OXCT1: variants seen among roughly 807,000 people sequenced by gnomAD.
OXCT1 encodes the protein 3-oxoacid CoA-transferase 1.
A neutral mutation model predicts 69.6 loss-of-function variants in OXCT1; 27 were observed. That is an observed-to-expected ratio of 0.39 (90% CI 0.29 to 0.54). OXCT1 has a LOEUF of 0.54. Ranked by LOEUF, OXCT1 falls within the 20% of genes least tolerant of loss-of-function variation. The probability of loss-of-function intolerance (pLI) is 0.72; values close to 1 mark genes in which losing one functional copy is unlikely to be tolerated. For synonymous variants in OXCT1, 202 were observed against 217.8 expected (o/e 0.93, Z 0.64); for missense variants, 437 against 650.2 (o/e 0.67, Z 3.57).
Position 41,767,272 on chromosome 5 carries a change from A to G in OXCT1, c.1249-5072T>C, listed in dbSNP as rs768603023. Among the ~76,000 whole-genome samples the G allele has an allele frequency of 1.4e-4, 22 of 152,184 alleles. 1 individual carries two copies. Among genetic ancestry groups the G allele is most frequent in the Admixed American group, 3.9e-4 (6 of 15,278 alleles). On this transcript the variant is annotated intron_variant, in intron 13 of 16. Transcript: ENST00000196371. ...AAAAAACCAAAAAAAGTTATTTTCAAAGATTAATGGCATTTTCTAGGACAG... is the reference window on the plus strand; with the variant it reads ...AAAAAACCAAAAAAAGTTATTTTCAGAGATTAATGGCATTTTCTAGGACAG...
At chr5:41,832,839 T>G (rs1748163949) in intron 7 of OXCT1, among the ~76,000 whole-genome samples, 1 of 152,106 alleles carries the variant, frequency 6.6e-6, no homozygotes, top group Non-Finnish European at 1.5e-5. Flanking sequence ...CAAGCAGAAA[T>G]TCTACATTTG....
At chr5:41,828,850 T>C (rs895138256) in intron 7 of OXCT1, among the ~76,000 whole-genome samples, 1 of 152,212 alleles carries the variant, frequency 6.6e-6, no homozygotes. Context: ...CTGTGAAGGA[T>C]TAAATAATAT....
chr5:41,745,109 A>G (rs559174278), intron 15 of OXCT1, among the ~76,000 whole-genome samples: 325 of 152,236 alleles, frequency 2.1e-3, no homozygotes, highest in African/African-American at 7.5e-3. Flanking sequence ...TATTTTCAGC[A>G]CCACACCACA....
intron 15 of OXCT1, among the ~76,000 whole-genome samples, chr5:41,742,313 G>A (rs373003600): frequency 2.0e-5 from 3 of 152,208 alleles, no homozygotes; most frequent in African/African-American, 7.2e-5. Context: ...CAAAAATGGA[G>A]ACTAAAACCT....
intron 9 of OXCT1, among the ~76,000 whole-genome samples, chr5:41,804,614 A>G (rs951087103): frequency 1.3e-5 from 2 of 152,138 alleles, no homozygotes; most frequent in African/African-American, 4.8e-5. Context: ...TTGCTGATAC[A>G]AGAACTGGAA....
In OXCT1 at chr5:41,835,013, A is replaced by C. The variant is rs543829768; in HGVS notation, c.732+5438T>G. ...AATAAATTTGAAATGAAGAAAATAC[A>C]AAAGAACAATGAAACAAAAAGTTGG... On this transcript the variant is annotated intron_variant, in intron 7 of 16. Transcript: ENST00000196371. 2.0e-5 allele frequency among the ~76,000 whole-genome samples: 3 copies of C among 152,294 alleles called. No homozygotes were observed. The East Asian group carries it at 5.8e-4, about 29-fold the overall frequency.
intron 4 of OXCT1, 69 bp downstream of exon 4, chr5:41,853,350 A>G (rs547914506): frequency 6.9e-7 from 1 of 1,452,814 alleles, no homozygotes; most frequent in Admixed American, 1.7e-5. Flanking sequence ...TGCACAAAGA[A>G]ATTTCCACGG....
At chr5:41,859,422 G>A (rs1749614209) in intron 3 of OXCT1, among the ~76,000 whole-genome samples, 1 of 152,110 alleles carries the variant, frequency 6.6e-6, no homozygotes, top group South Asian at 2.1e-4. Context: ...CATAATAAGA[G>A]CTTAGTTAAG....
chr5:41,845,807 A>G (rs886176723), intron 5 of OXCT1, among the ~76,000 whole-genome samples: 1 of 152,168 alleles, frequency 6.6e-6, no homozygotes, highest in Non-Finnish European at 1.5e-5. Flanking sequence ...TCATTTTAAC[A>G]ATTAGGCTCC....
In OXCT1 at chr5:41,869,169, C is replaced by T. The variant is rs150928411; in HGVS notation, c.78+1112G>A. Among the ~76,000 whole-genome samples the T allele has an allele frequency of 2.2e-4, 33 of 152,330 alleles. No homozygotes were observed. The East Asian group carries it at 2.5e-3, about 12-fold the overall frequency. ...CATTTAAGAGTAAAATGGTCCAGTT[C>T]TGAACCATTCCCTAGCACCTACCGA... On this transcript the variant is annotated intron_variant, in intron 1 of 16. Transcript: ENST00000196371.
At chr5:41,767,990 T>C (rs1037462929) in intron 13 of OXCT1, among the ~76,000 whole-genome samples, 1 of 151,964 alleles carries the variant, frequency 6.6e-6, no homozygotes, top group Admixed American at 6.6e-5. Flanking sequence ...TGACTCCATC[T>C]AGTTTCATCA....
rs1322749070 is a variant in OXCT1, at chr5:41,847,546, A to G, written c.564+2484T>C. 6.0e-5 allele frequency among the ~76,000 whole-genome samples: 9 copies of G among 150,696 alleles called. No individual in the cohort carries two copies. The East Asian group carries it at 1.4e-3, about 23-fold the overall frequency. On this transcript the variant is annotated intron_variant, in intron 5 of 16. Coordinates refer to ENST00000196371, the MANE Select transcript of OXCT1 (RefSeq NM_000436.4). ...AAAATCCTCAATAAAATACTGGCAA[A>G]CCGAATCCAGCAGCACATCAAAAAG...
At chr5:41,752,004 A>C (rs557574993) in intron 14 of OXCT1, among the ~76,000 whole-genome samples, 1 of 152,268 alleles carries the variant, frequency 6.6e-6, no homozygotes, top group East Asian at 1.9e-4. Flanking sequence ...ACTAGCTCCC[A>C]TGTTAGCACT....
At chr5:41,778,614 T>A (rs1006358268) in intron 13 of OXCT1, among the ~76,000 whole-genome samples, 5 of 152,330 alleles carry the variant, frequency 3.3e-5, no homozygotes, top group Admixed American at 1.3e-4. Flanking sequence ...ACCATGATCA[T>A]CTGTTCCAAT....
chr5:41,845,818 T>A (rs1181740612), intron 5 of OXCT1, among the ~76,000 whole-genome samples: 7 of 152,184 alleles, frequency 4.6e-5, no homozygotes. Flanking sequence ...ATTAGGCTCC[T>A]GTCTTTTACT....
intron 13 of OXCT1, among the ~76,000 whole-genome samples, chr5:41,764,968 A>G (rs929923611): frequency 1.3e-5 from 2 of 152,168 alleles, no homozygotes; most frequent in African/African-American, 2.4e-5. Context: ...TAGTGTGTTC[A>G]CTGTATTGGA....
chr5:41,867,047 C>T (rs1750017066), intron 1 of OXCT1, among the ~76,000 whole-genome samples: 1 of 152,196 alleles, frequency 6.6e-6, no homozygotes, highest in Non-Finnish European at 1.5e-5. Context: ...AAAAGCCTTA[C>T]AGACCACACT....
At position 41,861,416 on chromosome 5, in the gene OXCT1, C is replaced by A. The variant is rs781607826; in HGVS notation, c.188-12G>T. On this transcript the variant is annotated splice_polypyrimidine_tract_variant and intron_variant, in intron 2 of 16. Coordinates refer to ENST00000196371, the MANE Select transcript of OXCT1 (RefSeq NM_000436.4). ...ACATAGCCCAAAACCTATATTAAGC[C>A]CAAAAAATAAACAATTTGTAAAGGG... 1.3e-6 allele frequency: 2 copies of A among 1,520,598 alleles called. No homozygotes were observed. The highest frequency in any genetic ancestry group is 4.5e-5 in the East Asian group (2 of 44,392). 94.2% of individuals were successfully genotyped at this position (1,520,598 alleles called of 1,614,324 possible). A position where few individuals can be genotyped will look rare whatever the true frequency, so the allele number is the denominator to read the frequency against.
At chr5:41,811,796 C>T (rs1208285296) in intron 7 of OXCT1, among the ~76,000 whole-genome samples, 1 of 151,950 alleles carries the variant, frequency 6.6e-6, no homozygotes, top group Admixed American at 6.6e-5. Flanking sequence ...ACAGACATTC[C>T]ACAATGTCCA....
Sources: gnomAD v4.1 joint callset for allele counts (sites outside exome capture counted in the v4.1 genomes callset) on GRCh38, gnomAD v4.1.1 for gene constraint, MANE v1.5 for transcripts, NCBI Gene and HGNC (gene_info 2026-07-23, HGNC 2026-07-21) for gene names.